Variants in ABLIM2 observed in about 807,000 individuals in gnomAD.
ABLIM2 encodes the protein actin-binding LIM protein 2.
A neutral mutation model predicts 97.7 loss-of-function variants in ABLIM2; 53 were observed. The ratio of observed to expected loss-of-function variants is 0.54; its 90% CI spans 0.44 to 0.68. ABLIM2 has a LOEUF of 0.68. Ranked by LOEUF, ABLIM2 falls within the 30% of genes least tolerant of loss-of-function variation. The pLI is 0.00. For missense variants in ABLIM2, 835 were observed against 867.2 expected (o/e 0.96, Z 0.47); for synonymous variants, 361 against 345.8 (o/e 1.04, Z -0.49).
chr4:8,089,358 C>T (rs1465135817), intron 3 of ABLIM2, among the ~76,000 whole-genome samples: 2 of 152,208 alleles, frequency 1.3e-5, no homozygotes, highest in South Asian at 2.1e-4. Flanking sequence ...GGGCCACTTT[C>T]CTTCCCCATC....
intron 4 of ABLIM2, among the ~76,000 whole-genome samples, chr4:8,084,242 A>G (rs905423131): frequency 6.6e-6 from 1 of 152,172 alleles, no homozygotes; most frequent in African/African-American, 2.4e-5. Flanking sequence ...TGCGGTCAGG[A>G]CTAGACCGGG....
rs1431850948 is a variant in ABLIM2, at chr4:8,132,721, C to T, written c.10+25959G>A. On this transcript the variant is annotated intron_variant, in intron 1 of 20. Coordinates refer to ENST00000447017, the MANE Select transcript of ABLIM2 (RefSeq NM_001130083.2). This position sits in a 1 kb window ranked among gnomAD's most constrained non-coding sequence, Gnocchi z 8.0. ...GGGCCTGCAACAGGCCCCAACACTCCAGAGCCCTGGGACCTGGGCCCAGCG... is the reference window on the plus strand; with the variant it reads ...GGGCCTGCAACAGGCCCCAACACTCTAGAGCCCTGGGACCTGGGCCCAGCG... Among the ~76,000 whole-genome samples, 6 of 152,244 alleles carry T rather than the reference C, an allele frequency of 3.9e-5. No homozygotes were observed. The highest frequency in any genetic ancestry group is 3.9e-4 in the East Asian group (2 of 5,186).
Position 8,009,029 on chromosome 4 carries a change from AG to A in ABLIM2, c.1476+20del. The A allele has an allele frequency of 6.2e-7, 1 of 1,613,898 alleles. No homozygotes were observed. Among genetic ancestry groups the A allele is most frequent in the Non-Finnish European group, 8.5e-7 (1 of 1,179,782 alleles). ...TTTCTGAGCAAGGCTGTTCTCAGCC[AG>A]ATCTGCTCCCTGGCATTACCTTCCT... On this transcript the variant is annotated intron_variant, in intron 15 of 20. Transcript: ENST00000447017.
rs192613988 is a variant in ABLIM2, at chr4:8,112,151, T to C, written c.11-5514A>G. ...CAGCCTTGGGAAGCCCCACCGGGAA[T>C]AACAAAAATGATTGCTGGTGTCGTT... On this transcript the variant is annotated intron_variant, in intron 1 of 20. Coordinates refer to ENST00000447017, the MANE Select transcript of ABLIM2 (RefSeq NM_001130083.2). The surrounding 1 kb of genome is among the most constrained non-coding windows in gnomAD (Gnocchi z 4.2). 3.0e-3 allele frequency among the ~76,000 whole-genome samples: 454 copies of C among 152,226 alleles called. 3 individuals are homozygous for C. Among genetic ancestry groups the C allele is most frequent in the African/African-American group, 0.01 (427 of 41,546 alleles).
chr4:8,036,092 C>T, intron 10 of ABLIM2, 57 bp downstream of exon 10: 1 of 1,594,642 alleles, frequency 6.3e-7, no homozygotes, highest in South Asian at 1.1e-5. Context: ...GACGCCTGTC[C>T]TGCAGGGCAG....
intron 6 of ABLIM2, among the ~76,000 whole-genome samples, chr4:8,070,217 C>T (rs933676595): frequency 4.7e-5 from 7 of 147,926 alleles, no homozygotes; most frequent in South Asian, 2.2e-4. Context: ...TGTGTGACCG[C>T]GTGTGTCTGT....
At position 8,122,181 on chromosome 4, in the gene ABLIM2, C is replaced by T. The variant is rs984932503; in HGVS notation, c.11-15544G>A. ...TTTGAAGATGGGGCCACAGCCTTGA[C>T]CTGGAGACACCACACCAGCCTGGAT... On this transcript the variant is annotated intron_variant, in intron 1 of 20. Transcript: ENST00000447017. This position sits in a 1 kb window ranked among gnomAD's most constrained non-coding sequence, Gnocchi z 4.1. 3.3e-5 allele frequency among the ~76,000 whole-genome samples: 5 copies of T among 152,292 alleles called. No individual in the cohort carries two copies. The highest frequency in any genetic ancestry group is 1.2e-4 in the African/African-American group (5 of 41,556).
chr4:8,157,835 A>C (rs1395511445), intron 1 of ABLIM2, among the ~76,000 whole-genome samples: 1 of 152,222 alleles, frequency 6.6e-6, no homozygotes, highest in East Asian at 1.9e-4. Flanking sequence ...CTCGGGTCAC[A>C]CCCTGAAAAA....
At chr4:8,110,828 C>T (rs1159701763) in intron 1 of ABLIM2, among the ~76,000 whole-genome samples, 1 of 152,208 alleles carries the variant, frequency 6.6e-6, no homozygotes, top group Non-Finnish European at 1.5e-5. Context: ...CGTGGGGACG[C>T]CGCTGCCTCC....
chr4:8,114,585 G>A (rs1290471088), intron 1 of ABLIM2, among the ~76,000 whole-genome samples: 1 of 152,122 alleles, frequency 6.6e-6, no homozygotes, highest in Non-Finnish European at 1.5e-5. Flanking sequence ...ACCTACTTAA[G>A]GGCTGGCTGC....
intron 20 of ABLIM2, among the ~76,000 whole-genome samples, chr4:7,976,099 C>T (rs542017927): frequency 6.6e-6 from 1 of 152,168 alleles, no homozygotes; most frequent in Non-Finnish European, 1.5e-5. Flanking sequence ...ATTTGTTCTG[C>T]AGTCTCCTTG....
At position 8,083,665 on chromosome 4, in the gene ABLIM2, G is replaced by A. The variant is rs1204290134; in HGVS notation, c.455-2863C>T. ...CTAAACACATCCGGAGCTCCACATT[G>A]CTTTGCGGGCTCTGCGCATGGCAGC... is the stretch of plus-strand genomic sequence containing the variant. On this transcript the variant is annotated intron_variant, in intron 4 of 20. Transcript: ENST00000447017. This position sits in a 1 kb window ranked among gnomAD's most constrained non-coding sequence, Gnocchi z 4.6. Among the ~76,000 whole-genome samples the A allele has an allele frequency of 6.6e-6, 1 of 152,216 alleles. No individual in the cohort carries two copies. Among genetic ancestry groups the A allele is most frequent in the Admixed American group, 6.5e-5 (1 of 15,286 alleles).
Position 8,008,196 on chromosome 4 carries a change from T to C in ABLIM2, c.1481A>G (p.Lys494Arg). The C allele has an allele frequency of 6.2e-7, 1 of 1,612,880 alleles. No individual in the cohort carries two copies. Among genetic ancestry groups the C allele is most frequent in the Non-Finnish European group, 8.5e-7 (1 of 1,178,996 alleles). Residue 494 changes from lysine (K) to arginine (R), a missense_variant, in exon 16 of 21, where the codon AAG becomes AGG. Coordinates refer to ENST00000447017, the MANE Select transcript of ABLIM2 (RefSeq NM_001130083.2). ...CCCCTTGAGCATCAGCCAGCTGCTC[T>C]TCTGCTGAAGGTAAAAAACAAAGTC... ...GSLDQDNRKQ[K>R]SSWLMLKGDA...
chr4:8,005,884 G>C lies in ABLIM2; in HGVS notation c.1618+2175C>G, dbSNP rs79026825. Among the ~76,000 whole-genome samples, 1,116 of 152,332 alleles carry C rather than the reference G, an allele frequency of 7.3e-3. 15 individuals are homozygous for C. Among genetic ancestry groups the C allele is most frequent in the African/African-American group, 0.025 (1,048 of 41,574 alleles). On this transcript the variant is annotated intron_variant, in intron 16 of 20. Coordinates refer to ENST00000447017, the MANE Select transcript of ABLIM2 (RefSeq NM_001130083.2). This position sits in a 1 kb window ranked among gnomAD's most constrained non-coding sequence, Gnocchi z 4.9. Reference sequence around the variant, plus strand: ...GGACACATATGTCTGTGCTGGAGCAGAATCTCCCCGGGGAATTCATGAGTG... The same window carrying C: ...GGACACATATGTCTGTGCTGGAGCACAATCTCCCCGGGGAATTCATGAGTG...
chr4:8,151,707 A>C (rs912048341), intron 1 of ABLIM2, among the ~76,000 whole-genome samples: 2 of 152,106 alleles, frequency 1.3e-5, no homozygotes, highest in Non-Finnish European at 2.9e-5. Flanking sequence ...AGATGGGTAC[A>C]CTGAGGCACA....
rs999875741 is a variant in ABLIM2, at chr4:8,128,095, C to A, written c.11-21458G>T. On this transcript the variant is annotated intron_variant, in intron 1 of 20. Transcript: ENST00000447017. This position sits in a 1 kb window ranked among gnomAD's most constrained non-coding sequence, Gnocchi z 4.9. Reference sequence around the variant, plus strand: ...ACAGGGGTATAGGGAGCTCAGGCTGCCTCTTCCCGCTGCTGGTGGCTCCAG... The same window carrying A: ...ACAGGGGTATAGGGAGCTCAGGCTGACTCTTCCCGCTGCTGGTGGCTCCAG... 2.6e-5 allele frequency among the ~76,000 whole-genome samples: 4 copies of A among 152,188 alleles called. No homozygotes were observed. The highest frequency in any genetic ancestry group is 9.7e-5 in the African/African-American group (4 of 41,432).
rs1849525156 is a variant in ABLIM2, at chr4:8,132,121, A to G, written c.11-25484T>C. 6.6e-6 allele frequency among the ~76,000 whole-genome samples: 1 copy of G among 152,046 alleles called. No individual in the cohort carries two copies. The highest frequency in any genetic ancestry group is 1.5e-5 in the Non-Finnish European group (1 of 68,008). The stretch of plus-strand genomic sequence containing the variant: ...GTGTGGTGTACTAGCGGGATGGCTC[A>G]AGTGGCACAGGAACGACCTGGTTGG... On this transcript the variant is annotated intron_variant, in intron 1 of 20. Transcript: ENST00000447017. The surrounding 1 kb of genome is among the most constrained non-coding windows in gnomAD (Gnocchi z 8.0).
chr4:8,054,090 A>G lies in ABLIM2; in HGVS notation c.822+98T>C. Reference sequence around the variant, plus strand: ...CATCCTGCAGCCCGTGGGACTGGACAATGAGCCTGTAGAATCTGGTCAGTG... The same window carrying G: ...CATCCTGCAGCCCGTGGGACTGGACGATGAGCCTGTAGAATCTGGTCAGTG... On this transcript the variant is annotated intron_variant, in intron 8 of 20. Transcript: ENST00000447017. This position sits in a 1 kb window ranked among gnomAD's most constrained non-coding sequence, Gnocchi z 4.9. The G allele has an allele frequency of 7.0e-7, 1 of 1,420,590 alleles. No homozygotes were observed. Among genetic ancestry groups the G allele is most frequent in the Non-Finnish European group, 9.9e-7 (1 of 1,008,278 alleles). The allele number at this position is 1,420,590 out of a possible 1,614,324, so 88.0% of individuals were successfully genotyped here.
rs1484095622 is a variant in ABLIM2 at position 8,043,630 on chromosome 4, C to T, written c.900+1534G>A. The stretch of plus-strand genomic sequence containing the variant: ...CGTGATGATGCAAGGAGAGGACGGC[C>T]GCCTGCGGGCCAGGGATGGGGAGCC... On this transcript the variant is annotated intron_variant, in intron 9 of 20. Transcript: ENST00000447017. This position sits in a 1 kb window ranked among gnomAD's most constrained non-coding sequence, Gnocchi z 4.8. Among the ~76,000 whole-genome samples, 5 of 152,132 alleles carry T rather than the reference C, an allele frequency of 3.3e-5. No homozygotes were observed. Among genetic ancestry groups the T allele is most frequent in the East Asian group, 3.9e-4 (2 of 5,172 alleles).
Sources: gnomAD v4.1 joint callset for allele counts (sites outside exome capture counted in the v4.1 genomes callset) on GRCh38, gnomAD v4.1.1 for gene constraint, Gnocchi (gnomAD v3.1) non-coding constraint, MANE v1.5 for transcripts, NCBI Gene and HGNC (gene_info 2026-07-23, HGNC 2026-07-21) for gene names.